TCP11L2: variants seen among roughly 807,000 people sequenced by gnomAD.
TCP11L2 encodes T-complex protein 11-like protein 2.
In TCP11L2, 39 loss-of-function variants were observed where a neutral mutation model predicts 50.7. The ratio of observed to expected loss-of-function variants is 0.77; its 90% CI spans 0.60 to 1.01. The LOEUF (loss-of-function observed/expected upper bound fraction) is 1.01. Ranked by LOEUF, TCP11L2 falls within the 50% of genes least tolerant of loss-of-function variation. TCP11L2 has a pLI of 0.00. For synonymous variants in TCP11L2, 192 were observed against 219.3 expected, an observed-to-expected ratio of 0.88 and a Z score of 1.10; for missense variants, 612 against 614.7, an observed-to-expected ratio of 1.00 and a Z score of 0.05.
chr12:106,318,942 T>C (rs1003175424), intron 4 of TCP11L2, among the ~76,000 whole-genome samples: 4 of 151,670 alleles, frequency 2.6e-5, no homozygotes, highest in Middle Eastern at 3.2e-3. Flanking sequence ...TCTCACTCTG[T>C]CGCCCAGGCC....
chr12:106,316,670 A>G lies in TCP11L2; in HGVS notation c.294-1674A>G, dbSNP rs145115446. Among the ~76,000 whole-genome samples, 850 of 152,118 alleles carry G rather than the reference A, an allele frequency of 5.6e-3. 9 individuals are homozygous for G. Among genetic ancestry groups the G allele is most frequent in the Middle Eastern group, 6.8e-3 (2 of 294 alleles). Reference sequence around the variant, plus strand: ...ACCACATTGTCTTATTCTTTCTCATAGGTCTGAAATTGTCGTATTCATTTT... The same window carrying G: ...ACCACATTGTCTTATTCTTTCTCATGGGTCTGAAATTGTCGTATTCATTTT... On this transcript the variant is annotated intron_variant, in intron 3 of 9. Transcript: ENST00000299045.
intron 1 of TCP11L2, among the ~76,000 whole-genome samples, chr12:106,306,181 G>A (rs2034627645): frequency 6.6e-6 from 1 of 152,196 alleles, no homozygotes; most frequent in Non-Finnish European, 1.5e-5. Flanking sequence ...AGGTTGGACT[G>A]TTCTGAATTT....
At chr12:106,344,924 G>T (rs1210757881) in intron 9 of TCP11L2, among the ~76,000 whole-genome samples, 2 of 152,182 alleles carry the variant, frequency 1.3e-5, no homozygotes, top group Non-Finnish European at 2.9e-5. Flanking sequence ...TGGCACAATG[G>T]TGTGCTGGTT....
upstream of TCP11L2, among the ~76,000 whole-genome samples, chr12:106,299,141 T>G (rs1232357081): frequency 6.6e-6 from 1 of 152,172 alleles, no homozygotes; most frequent in East Asian, 1.9e-4. Flanking sequence ...TGTTTTTGTT[T>G]TTTTCAATTA....
At chr12:106,310,057 T>C (rs1449862004) in intron 1 of TCP11L2, among the ~76,000 whole-genome samples, 2 of 152,092 alleles carry the variant, frequency 1.3e-5, no homozygotes, top group African/African-American at 4.8e-5. Flanking sequence ...CACATCAAGG[T>C]CAGCTCCCTC....
At chr12:106,329,613 T>C in intron 6 of TCP11L2, 1 of 1,341,556 alleles carries the variant, frequency 7.5e-7, no homozygotes, top group South Asian at 1.9e-5. Flanking sequence ...TTTTCCTTTT[T>C]AAAGCTCCCC....
At chr12:106,313,499 G>A (rs963960521) in intron 2 of TCP11L2, among the ~76,000 whole-genome samples, 4 of 151,770 alleles carry the variant, frequency 2.6e-5, no homozygotes, top group African/African-American at 9.7e-5. Context: ...AGAATCTCTT[G>A]ACCCCAGGAG....
At chr12:106,323,695 G>C in intron 6 of TCP11L2, 49 bp downstream of exon 6, 1 of 953,156 alleles carries the variant, frequency 1.0e-6, no homozygotes, top group Non-Finnish European at 1.5e-6. Flanking sequence ...TTAAAATGAT[G>C]ATTTTAAATG....
At chr12:106,321,856 T>G in intron 5 of TCP11L2, 150 bp downstream of exon 5, 1 of 659,842 alleles carries the variant, frequency 1.5e-6, no homozygotes, top group Non-Finnish European at 2.6e-6. Flanking sequence ...CCATGTCAAT[T>G]ATTTACTGTA....
chr12:106,314,282 C>G lies in TCP11L2; in HGVS notation c.158-76C>G, dbSNP rs2034979060. On this transcript the variant is annotated intron_variant, in intron 2 of 9. Coordinates refer to ENST00000299045, the MANE Select transcript of TCP11L2 (RefSeq NM_152772.3). ...GTATATACATTCTGATAAATTAAAC[C>G]TTATCTGCATCAGGAGGCTTCGTTG... 2.0e-6 allele frequency: 3 copies of G among 1,480,702 alleles called. No individual in the cohort carries two copies. The East Asian group carries it at 6.9e-5, about 34-fold the overall frequency. The allele number at this position is 1,480,702 out of a possible 1,614,324, so 91.7% of individuals were successfully genotyped here.
intron 3 of TCP11L2, among the ~76,000 whole-genome samples, chr12:106,317,320 A>G (rs1193620997): frequency 6.6e-6 from 1 of 152,156 alleles, no homozygotes; most frequent in East Asian, 1.9e-4. Flanking sequence ...GTTTAAGACC[A>G]GCCTGCCCGA....
intron 6 of TCP11L2, among the ~76,000 whole-genome samples, chr12:106,326,902 A>G (rs1195204947): frequency 1.3e-5 from 2 of 152,196 alleles, no homozygotes; most frequent in East Asian, 1.9e-4. Context: ...TCCAAGGGCT[A>G]TGTTGTTTTA....
rs757748619 is a variant in TCP11L2, at chr12:106,336,224, A to G, written c.1142+11A>G. 1.8e-5 allele frequency: 28 copies of G among 1,599,648 alleles called. No homozygotes were observed. The highest frequency in any genetic ancestry group is 1.7e-4 in the Middle Eastern group (1 of 5,966). On this transcript the variant is annotated intron_variant, in intron 8 of 9. Coordinates refer to ENST00000299045, the MANE Select transcript of TCP11L2 (RefSeq NM_152772.3). Reference sequence around the variant, plus strand: ...AGGCATGAACAAAGAGTAAGTTCCAAATTTTTGCATCTGCTCCCTCTTGTA... The same window carrying G: ...AGGCATGAACAAAGAGTAAGTTCCAGATTTTTGCATCTGCTCCCTCTTGTA...
chr12:106,319,125 A>C (rs1009019647), intron 4 of TCP11L2, among the ~76,000 whole-genome samples: 9 of 152,010 alleles, frequency 5.9e-5, no homozygotes, highest in African/African-American at 9.7e-5. Flanking sequence ...GTTAGCCAGG[A>C]TGGTCTCGAT....
intron 8 of TCP11L2, among the ~76,000 whole-genome samples, chr12:106,336,438 A>C (rs2035923396): frequency 6.6e-6 from 1 of 152,036 alleles, no homozygotes; most frequent in South Asian, 2.1e-4. Flanking sequence ...GGGTGAGTGT[A>C]GTATTTCCAC....
chr12:106,335,630 C>A lies in TCP11L2; in HGVS notation c.773-9C>A. The A allele has an allele frequency of 2.5e-6, 4 of 1,612,672 alleles. No individual in the cohort carries two copies. The highest frequency in any genetic ancestry group is 3.4e-6 in the Non-Finnish European group (4 of 1,179,368). ...CTGTAGAACAAATATGTGGCCTTTT[C>A]ACTCTTAGGTGCTCTTGATCAGACT... On this transcript the variant is annotated splice_polypyrimidine_tract_variant and intron_variant, in intron 6 of 9. Coordinates refer to ENST00000299045, the MANE Select transcript of TCP11L2 (RefSeq NM_152772.3).
At chr12:106,343,545 A>G (rs935920344) in intron 9 of TCP11L2, among the ~76,000 whole-genome samples, 1 of 152,078 alleles carries the variant, frequency 6.6e-6, no homozygotes, top group Non-Finnish European at 1.5e-5. Flanking sequence ...CCCAATTCCC[A>G]TTACAATTCT....
At chr12:106,317,905 G>A (rs1412844596) in intron 3 of TCP11L2, among the ~76,000 whole-genome samples, 1 of 152,226 alleles carries the variant, frequency 6.6e-6, no homozygotes, top group African/African-American at 2.4e-5. Flanking sequence ...TAAGTCTGAA[G>A]TTGGCAGGCA....
intron 4 of TCP11L2, among the ~76,000 whole-genome samples, chr12:106,319,900 A>G (rs1383392705): frequency 1.3e-5 from 2 of 152,232 alleles, no homozygotes; most frequent in Non-Finnish European, 2.9e-5. Context: ...CTGCTTGTAT[A>G]TAATAAATAT....
Sources: gnomAD v4.1 joint callset for allele counts (sites outside exome capture counted in the v4.1 genomes callset) on GRCh38, gnomAD v4.1.1 for gene constraint, MANE v1.5 for transcripts, NCBI Gene and HGNC (gene_info 2026-07-23, HGNC 2026-07-21) for gene names.